Variants in CDS2 observed in about 807,000 individuals in gnomAD.
The protein encoded by CDS2 is phosphatidate cytidylyltransferase 2.
A neutral mutation model predicts 59.0 loss-of-function variants in CDS2; 47 were observed. The ratio of observed to expected loss-of-function variants is 0.80; its 90% CI spans 0.63 to 1.02. The LOEUF is 1.02. Ranked by LOEUF, CDS2 falls within the 50% of genes least tolerant of loss-of-function variation. CDS2 has a pLI of 0.00. For missense variants in CDS2, 356 were observed against 558.9 expected, an observed-to-expected ratio of 0.64 and a Z score of 3.66; for synonymous variants, 207 against 206.4, an observed-to-expected ratio of 1.00 and a Z score of -0.02.
At chr20:5,157,535 A>G (rs991303059) in intron 1 of CDS2, among the ~76,000 whole-genome samples, 21 of 152,180 alleles carry the variant, frequency 1.4e-4, no homozygotes, top group African/African-American at 1.7e-4. Context: ...TTGGGCTACT[A>G]TAATGAAACA....
At chr20:5,141,701 A>G (rs1170172087) in intron 1 of CDS2, among the ~76,000 whole-genome samples, 2 of 152,122 alleles carry the variant, frequency 1.3e-5, no homozygotes, top group Admixed American at 1.3e-4. Flanking sequence ...CAACTGATGG[A>G]AAAGAGGGGG....
rs187870198 is a variant in CDS2, at chr20:5,145,034, T to C, written c.57+17885T>C. Among the ~76,000 whole-genome samples, 775 of 152,146 alleles carry C rather than the reference T, an allele frequency of 5.1e-3. 9 individuals are homozygous for C. The highest frequency in any genetic ancestry group is 0.018 in the African/African-American group (753 of 41,504). On this transcript the variant is annotated intron_variant, in intron 1 of 12. Transcript: ENST00000460006. The stretch of plus-strand genomic sequence containing the variant: ...TCCCTTTCCCCTCCAACTGCATTTG[T>C]GGAAGAGGAACAGGATGGAGTAGGG...
chr20:5,189,243 T>C, intron 11 of CDS2, 57 bp downstream of exon 11: 1 of 1,607,712 alleles, frequency 6.2e-7, no homozygotes, highest in South Asian at 1.1e-5. Flanking sequence ...CTTCTGCCTT[T>C]CTCCCCCTTC....
chr20:5,138,089 G>T (rs9753591), intron 1 of CDS2, among the ~76,000 whole-genome samples: 1,879 of 151,238 alleles, frequency 0.012, 48 homozygotes, highest in African/African-American at 0.041. Context: ...GAGCCACCGC[G>T]CCTGGCCACA....
At chr20:5,145,305 G>T (rs981220195) in intron 1 of CDS2, among the ~76,000 whole-genome samples, 2 of 131,038 alleles carry the variant, frequency 1.5e-5, no homozygotes, top group African/African-American at 5.9e-5. Context: ...CAATATTCAT[G>T]CTGGAAGCTT....
intron 1 of CDS2, among the ~76,000 whole-genome samples, chr20:5,160,977 T>G (rs2090872609): frequency 6.6e-6 from 1 of 152,242 alleles, no homozygotes; most frequent in South Asian, 2.1e-4. Flanking sequence ...TTGCTTCTAC[T>G]TTTTTGTTTA....
At chr20:5,134,514 T>A (rs1366233907) in intron 1 of CDS2, among the ~76,000 whole-genome samples, 1 of 152,174 alleles carries the variant, frequency 6.6e-6, no homozygotes, top group Non-Finnish European at 1.5e-5. Context: ...AAGAGTTTTA[T>A]TTTTATTTAT....
intron 1 of CDS2, among the ~76,000 whole-genome samples, chr20:5,134,347 G>A (rs990833659): frequency 6.6e-6 from 1 of 152,186 alleles, no homozygotes; most frequent in Non-Finnish European, 1.5e-5. Flanking sequence ...TGTAGGGTCT[G>A]CTATGGACGG....
intron 1 of CDS2, among the ~76,000 whole-genome samples, chr20:5,149,089 T>C (rs75923846): frequency 0.025 from 3,871 of 152,192 alleles, 70 homozygotes; most frequent in East Asian, 0.08. Flanking sequence ...TGGCTCACTA[T>C]AGCCCTGACC....
At chr20:5,131,141 A>G in intron 1 of CDS2, among the ~76,000 whole-genome samples, 1 of 152,182 alleles carries the variant, frequency 6.6e-6, no homozygotes, top group Non-Finnish European at 1.5e-5. Context: ...AGATTCCTCA[A>G]AATGTTACAG....
chr20:5,170,739 C>G lies in CDS2; in HGVS notation c.58-2784C>G, dbSNP rs532646340. 9.2e-5 allele frequency among the ~76,000 whole-genome samples: 14 copies of G among 152,326 alleles called. No homozygotes were observed. The South Asian group carries it at 2.7e-3, about 29-fold the overall frequency. ...TTACTCACTTAAAGGTAGCAAAAAC[C>G]TAGAAAGTTAATCTCTTTCAGGCTT... is the stretch of plus-strand genomic sequence containing the variant. On this transcript the variant is annotated intron_variant, in intron 1 of 12. Transcript: ENST00000460006.
chr20:5,169,389 G>T (rs2090938351), intron 1 of CDS2, among the ~76,000 whole-genome samples: 1 of 152,242 alleles, frequency 6.6e-6, no homozygotes, highest in South Asian at 2.1e-4. Context: ...TGCTGCAGGG[G>T]CACCAGTCAG....
intron 1 of CDS2, among the ~76,000 whole-genome samples, chr20:5,141,155 A>G (rs1327232987): frequency 6.6e-6 from 1 of 152,174 alleles, no homozygotes; most frequent in African/African-American, 2.4e-5. Context: ...ATAAAAAATT[A>G]TCTGGCTTTC....
intron 1 of CDS2, among the ~76,000 whole-genome samples, chr20:5,138,524 C>T (rs1310785752): frequency 1.3e-5 from 2 of 151,786 alleles, no homozygotes; most frequent in Admixed American, 6.6e-5. Flanking sequence ...TTGCTCTTGT[C>T]ACCCAGGCTG....
intron 1 of CDS2, among the ~76,000 whole-genome samples, chr20:5,136,708 G>T (rs544899741): frequency 1.3e-5 from 2 of 152,024 alleles, no homozygotes; most frequent in African/African-American, 4.8e-5. Flanking sequence ...TATTGGGGGG[G>T]TGGGGTGGAG....
intron 1 of CDS2, among the ~76,000 whole-genome samples, chr20:5,130,821 G>T (rs2090599920): frequency 6.6e-6 from 1 of 151,596 alleles, no homozygotes; most frequent in Non-Finnish European, 1.5e-5. Context: ...GCTGGGCGTG[G>T]TAGCTCACGC....
chr20:5,168,405 A>C, intron 1 of CDS2, among the ~76,000 whole-genome samples: 3 of 141,470 alleles, frequency 2.1e-5, no homozygotes, highest in African/African-American at 8.1e-5. Context: ...ACAGAGCAAG[A>C]CTCTGTCCCC....
rs138143377 is a variant in CDS2, at chr20:5,147,498, C to T, written c.57+20349C>T. Among the ~76,000 whole-genome samples the T allele has an allele frequency of 4.0e-4, 61 of 152,250 alleles. No individual in the cohort carries two copies. In the East Asian group the frequency reaches 0.01, roughly 25 times the overall value. On this transcript the variant is annotated intron_variant, in intron 1 of 12. Transcript: ENST00000460006. ...GGTCCTTTGGTGTGTGGTACATAAA[C>T]GTGTGGTAAATAGAGGGATTAATCT...
At chr20:5,132,911 G>A (rs1272359629) in intron 1 of CDS2, among the ~76,000 whole-genome samples, 1 of 151,982 alleles carries the variant, frequency 6.6e-6, no homozygotes, top group East Asian at 1.9e-4. Context: ...GGTGGCTCAC[G>A]CCTGTAATCC....
Sources: allele counts gnomAD v4.1 joint callset (sites outside exome capture counted in the v4.1 genomes callset), GRCh38; gene constraint gnomAD v4.1.1; transcripts MANE v1.5; gene names NCBI Gene and HGNC (gene_info 2026-07-23, HGNC 2026-07-21).